Variants in LTBP1 observed in about 807,000 individuals in gnomAD.
LTBP1 encodes the protein latent transforming growth factor beta binding protein 1.
In LTBP1, 129 loss-of-function variants were observed where a neutral mutation model predicts 207.6. The observed-to-expected ratio is 0.62, with a 90% confidence interval of 0.54 to 0.72. The LOEUF is 0.72. LTBP1 is among the 30% of genes least tolerant of loss of function. The probability of loss-of-function intolerance (pLI) is 0.00; values close to 1 mark genes in which losing one functional copy is unlikely to be tolerated. For missense variants in LTBP1, 2,281 were observed against 2,217.2 expected (o/e 1.03, Z -0.58); for synonymous variants, 963 against 833.7 (o/e 1.16, Z -2.67).
At chr2:33,077,340 A>T (rs553747950) in intron 3 of LTBP1, among the ~76,000 whole-genome samples, 2 of 152,350 alleles carry the variant, frequency 1.3e-5, no homozygotes, top group East Asian at 3.9e-4. Context: ...TTGCCCTGCT[A>T]TAAATAAATA....
In LTBP1 at chr2:33,031,934, C is replaced by T. The variant is rs1347381643; in HGVS notation, c.863+10728C>T. Among the ~76,000 whole-genome samples the T allele has an allele frequency of 4.6e-5, 7 of 152,234 alleles. No individual in the cohort carries two copies. The East Asian group carries it at 1.4e-3, about 29-fold the overall frequency. On this transcript the variant is annotated intron_variant, in intron 3 of 33. Transcript: ENST00000404816. ...AGAGTGTGAGGGAAGGCCTGGGAGGCTGGCTGCTGGGCAGATGAGAGAGAG... is the reference window on the plus strand; with the variant it reads ...AGAGTGTGAGGGAAGGCCTGGGAGGTTGGCTGCTGGGCAGATGAGAGAGAG...
chr2:33,176,463 C>A (rs1037616128), intron 5 of LTBP1, among the ~76,000 whole-genome samples: 14 of 152,156 alleles, frequency 9.2e-5, no homozygotes, highest in Admixed American at 9.2e-4. Flanking sequence ...CTGACTTCGT[C>A]ATCTGCCTGC....
intron 17 of LTBP1, 149 bp from the exon 18 acceptor site, chr2:33,275,652 C>G: frequency 2.2e-6 from 2 of 922,472 alleles, no homozygotes. Flanking sequence ...CCATTGCACT[C>G]CAGCCTGGGC....
chr2:32,948,744 C>T (rs774538150), intron 1 of LTBP1, 131 bp from the exon 2 acceptor site: 9 of 827,758 alleles, frequency 1.1e-5, no homozygotes, highest in African/African-American at 1.7e-5. Flanking sequence ...TCCAGGGTAC[C>T]TGTTAGGACT....
chr2:33,090,834 G>A (rs1437469203), intron 3 of LTBP1, among the ~76,000 whole-genome samples: 1 of 152,230 alleles, frequency 6.6e-6, no homozygotes, highest in African/African-American at 2.4e-5. Context: ...GCTCTGCAAG[G>A]AGAGGGAAGG....
At position 33,134,496 on chromosome 2, in the gene LTBP1, C is replaced by T; in HGVS notation, c.1034-297C>T. ...TCTTTGTCTGCCCGTGAATAAAGTG[C>T]AGCATTGTGGTTAGTAATCCCACTC... On this transcript the variant is annotated intron_variant, in intron 4 of 33. Transcript: ENST00000404816. The surrounding 1 kb of genome is among the most constrained non-coding windows in gnomAD (Gnocchi z 4.4). 3 of 1,314,786 alleles carry T rather than the reference C, an allele frequency of 2.3e-6. No individual in the cohort carries two copies. Among genetic ancestry groups the T allele is most frequent in the Non-Finnish European group, 3.1e-6 (3 of 957,596 alleles). 81.4% of individuals were successfully genotyped at this position (1,314,786 alleles called of 1,614,324 possible).
intron 2 of LTBP1, among the ~76,000 whole-genome samples, chr2:32,993,831 G>A (rs1684819744): frequency 6.6e-6 from 1 of 152,178 alleles, no homozygotes; most frequent in South Asian, 2.1e-4. Context: ...GGGTCACATG[G>A]CACATGGCTC....
At chr2:33,090,827 C>A (rs534004403) in intron 3 of LTBP1, among the ~76,000 whole-genome samples, 2 of 152,312 alleles carry the variant, frequency 1.3e-5, no homozygotes, top group African/African-American at 4.8e-5. Flanking sequence ...TCATATAGCT[C>A]TGCAAGGAGA....
intron 7 of LTBP1, among the ~76,000 whole-genome samples, chr2:33,198,658 T>C (rs112321338): frequency 0.029 from 4,468 of 152,322 alleles, 212 homozygotes; most frequent in African/African-American, 0.1. Flanking sequence ...TTTATCCATT[T>C]CTTCTAGATT....
intron 3 of LTBP1, among the ~76,000 whole-genome samples, chr2:33,089,302 C>T (rs1438266875): frequency 6.6e-6 from 1 of 152,066 alleles, no homozygotes; most frequent in Non-Finnish European, 1.5e-5. Context: ...CACATAAAAG[C>T]AGCATAGAAC....
intron 26 of LTBP1, among the ~76,000 whole-genome samples, chr2:33,348,897 C>T (rs2094740876): frequency 6.6e-6 from 1 of 152,114 alleles, no homozygotes; most frequent in Non-Finnish European, 1.5e-5. Context: ...GCAGCTTTTC[C>T]TTTTATCATG....
intron 24 of LTBP1, among the ~76,000 whole-genome samples, chr2:33,316,311 T>C (rs1184565061): frequency 6.6e-6 from 1 of 152,210 alleles, no homozygotes; most frequent in African/African-American, 2.4e-5. Context: ...TGCAAAAGTT[T>C]TGTTCTGGGT....
intron 3 of LTBP1, among the ~76,000 whole-genome samples, chr2:33,044,867 CGAT>C (rs1388488607): frequency 6.6e-6 from 1 of 152,008 alleles, no homozygotes; most frequent in Non-Finnish European, 1.5e-5. Flanking sequence ...TGGCCAGTGA[CGAT>C]GAGCTTTTTT....
At chr2:33,308,729 A>G (rs2094136646) in intron 22 of LTBP1, among the ~76,000 whole-genome samples, 1 of 152,172 alleles carries the variant, frequency 6.6e-6, no homozygotes, top group Admixed American at 6.5e-5. Flanking sequence ...TTTATTGTTA[A>G]TAATACAATA....
intron 5 of LTBP1, among the ~76,000 whole-genome samples, chr2:33,144,632 C>A (rs2082876061): frequency 6.6e-6 from 1 of 152,140 alleles, no homozygotes; most frequent in Admixed American, 6.5e-5. Flanking sequence ...GTGTAACTTA[C>A]CTCTGGGCTC....
intron 20 of LTBP1, among the ~76,000 whole-genome samples, chr2:33,300,174 A>G (rs1322041937): frequency 1.3e-5 from 2 of 152,168 alleles, no homozygotes; most frequent in Admixed American, 6.5e-5. Flanking sequence ...GCTCTAAAAT[A>G]TTTCATGTTG....
rs1285482281 is a variant in LTBP1 at position 33,360,653 on chromosome 2, C to G, written c.4057C>G (p.Leu1353Val). ...KEEKKECYYN[L>V]NDASLCDNVL... ...AGAAAAGAAAGAATGCTACTATAAT[C>G]TCAATGACGCCAGTCTCTGTGATAA... The change falls in exon 27 of 34, where the codon CTC (leucine) becomes GTC (valine). Residue 1353 changes from leucine (L) to valine (V), a missense_variant. Coordinates refer to ENST00000404816, the MANE Select transcript of LTBP1 (RefSeq NM_206943.4). 6.2e-7 allele frequency: 1 copy of G among 1,613,600 alleles called. No homozygotes were observed. The highest frequency in any genetic ancestry group is 1.3e-5 in the African/African-American group (1 of 74,908).
chr2:33,149,460 T>C (rs1193631756), intron 5 of LTBP1, among the ~76,000 whole-genome samples: 1 of 152,150 alleles, frequency 6.6e-6, no homozygotes, highest in East Asian at 1.9e-4. Context: ...ATGAAATCTC[T>C]AGCCTTCTGT....
At position 32,975,371 on chromosome 2, in the gene LTBP1, A is replaced by G. The variant is rs76867817; in HGVS notation, c.565+26426A>G. On this transcript the variant is annotated intron_variant, in intron 2 of 33. Coordinates refer to ENST00000404816, the MANE Select transcript of LTBP1 (RefSeq NM_206943.4). ...TGTGTATCTTGGGGATGATTGTCTC[A>G]TATAGTATCTAACAGGGGTTCTATG... Among the ~76,000 whole-genome samples, 1,057 of 152,222 alleles carry G rather than the reference A, an allele frequency of 6.9e-3. 12 individuals carry two copies. Among genetic ancestry groups the G allele is most frequent in the African/African-American group, 0.024 (980 of 41,538 alleles).
Sources: gnomAD v4.1 joint callset for allele counts (sites outside exome capture counted in the v4.1 genomes callset) on GRCh38, gnomAD v4.1.1 for gene constraint, Gnocchi (gnomAD v3.1) non-coding constraint, MANE v1.5 for transcripts, NCBI Gene and HGNC (gene_info 2026-07-23, HGNC 2026-07-21) for gene names.